GPHN: variants seen among roughly 807,000 people sequenced by gnomAD.
GPHN encodes gephyrin.
GPHN carries 17 observed loss-of-function variants against 95.5 expected under a neutral mutation model. That is an observed-to-expected ratio of 0.18 (90% CI 0.12 to 0.27). The LOEUF (loss-of-function observed/expected upper bound fraction) is 0.27. Among genes scored for constraint, GPHN ranks in the 10% least tolerant of loss-of-function variants. The probability of loss-of-function intolerance (pLI) is 1.00; values close to 1 mark genes in which losing one functional copy is unlikely to be tolerated. For synonymous variants in GPHN, 320 were observed against 322.5 expected (o/e 0.99, Z 0.08); for missense variants, 660 against 978.1 (o/e 0.67, Z 4.34).
At chr14:67,359,623 C>T in the GPHN span, 1 of 1,613,346 alleles carries the variant, frequency 6.2e-7, no homozygotes, top group Non-Finnish European at 8.5e-7. Context: ...GGTTCCTAAA[C>T]CTGTGAAAGC....
chr14:66,881,655 A>G (rs180750768), intron 5 of GPHN, among the ~76,000 whole-genome samples: 1 of 152,056 alleles, frequency 6.6e-6, no homozygotes, highest in African/African-American at 2.4e-5. Context: ...AATTGAATGT[A>G]GCTTTCTTGA....
At chr14:67,489,329 C>T in the GPHN span, among the ~76,000 whole-genome samples, 1 of 152,178 alleles carries the variant, frequency 6.6e-6, no homozygotes, top group South Asian at 2.1e-4. Flanking sequence ...GAACTGCTTC[C>T]CACCCAAATC....
chr14:67,413,770 G>A, the GPHN span, among the ~76,000 whole-genome samples: 1 of 152,188 alleles, frequency 6.6e-6, no homozygotes, highest in African/African-American at 2.4e-5. Flanking sequence ...CCCCAAAGCA[G>A]TGGGGCTTCC....
chr14:67,189,042 G>A, the GPHN span, among the ~76,000 whole-genome samples: 4 of 152,042 alleles, frequency 2.6e-5, no homozygotes, highest in African/African-American at 4.8e-5. Context: ...TTCTTTTAAC[G>A]CTTTTCTTCA....
chr14:67,297,820 A>G, the GPHN span, among the ~76,000 whole-genome samples: 2 of 152,242 alleles, frequency 1.3e-5, no homozygotes, highest in Non-Finnish European at 2.9e-5. Flanking sequence ...CATTCTGCCA[A>G]TAGTCAGATA....
At chr14:66,939,675 C>G (rs936860242) in intron 8 of GPHN, among the ~76,000 whole-genome samples, 2 of 152,172 alleles carry the variant, frequency 1.3e-5, no homozygotes, top group South Asian at 4.1e-4. Flanking sequence ...GATCCTCTGC[C>G]TTATCTGCCT....
chr14:67,413,535 G>C, the GPHN span, among the ~76,000 whole-genome samples: 1 of 152,162 alleles, frequency 6.6e-6, no homozygotes, highest in Non-Finnish European at 1.5e-5. Flanking sequence ...AAGGCGGGGG[G>C]TGCCTTTCAG....
the GPHN span, among the ~76,000 whole-genome samples, chr14:67,196,223 C>CTTTTTTTTTTTT: frequency 3.6e-4 from 52 of 143,114 alleles, no homozygotes; most frequent in Middle Eastern, 7.5e-3. Flanking sequence ...TTCTTTCTTT[C>CTTTTTTTTTTTT]TTTTTTTTTT....
chr14:67,248,423 G>C, the GPHN span, among the ~76,000 whole-genome samples: 1 of 151,952 alleles, frequency 6.6e-6, no homozygotes, highest in Non-Finnish European at 1.5e-5. Context: ...GTAGAGTCAA[G>C]GTATTCATTA....
the GPHN span, chr14:67,390,773 C>T: frequency 4.1e-6 from 6 of 1,472,306 alleles, no homozygotes; most frequent in Non-Finnish European, 5.7e-6. Context: ...GTTCAAAGCT[C>T]ATTGGTGACA....
At chr14:66,908,006 C>A (rs1184938376) in intron 5 of GPHN, among the ~76,000 whole-genome samples, 1 of 151,928 alleles carries the variant, frequency 6.6e-6, no homozygotes, top group Non-Finnish European at 1.5e-5. Flanking sequence ...TGGTTACATA[C>A]AGAAATATTT....
intron 1 of GPHN, among the ~76,000 whole-genome samples, chr14:66,555,620 C>CA (rs1017857159): frequency 4.0e-5 from 6 of 151,294 alleles, no homozygotes; most frequent in East Asian, 1.9e-4. Flanking sequence ...AGCGATAAGA[C>CA]AAAAAAAGAA....
the GPHN span, among the ~76,000 whole-genome samples, chr14:67,202,225 G>A: frequency 8.5e-5 from 13 of 152,320 alleles, no homozygotes; most frequent in South Asian, 2.1e-4. Flanking sequence ...TGGATCACCC[G>A]AGGTCAGGAG....
At chr14:67,654,714 T>C in the GPHN span, among the ~76,000 whole-genome samples, 1 of 152,108 alleles carries the variant, frequency 6.6e-6, no homozygotes, top group Non-Finnish European at 1.5e-5. Flanking sequence ...GAATACAGCA[T>C]TCCATTGGTA....
At chr14:67,244,062 G>A in the GPHN span, among the ~76,000 whole-genome samples, 1 of 152,156 alleles carries the variant, frequency 6.6e-6, no homozygotes, top group African/African-American at 2.4e-5. Flanking sequence ...CCAATAAGTT[G>A]CCTTTTCCAA....
chr14:67,321,219 T>C, the GPHN span: 3 of 1,614,206 alleles, frequency 1.9e-6, no homozygotes, highest in Middle Eastern at 1.6e-4. Context: ...CGGCAAGTGA[T>C]CAACTCTGGC....
At chr14:66,679,967 A>G (rs1023513109) in intron 1 of GPHN, among the ~76,000 whole-genome samples, 1 of 152,128 alleles carries the variant, frequency 6.6e-6, no homozygotes, top group Non-Finnish European at 1.5e-5. Flanking sequence ...TTCATCATAT[A>G]CCAAATATTG....
chr14:67,540,020 G>A, the GPHN span, among the ~76,000 whole-genome samples: 1 of 152,170 alleles, frequency 6.6e-6, no homozygotes, highest in Non-Finnish European at 1.5e-5. Flanking sequence ...TTGCACTGTG[G>A]TAGTATCTGG....
At chr14:67,614,754 T>A in the GPHN span, among the ~76,000 whole-genome samples, 1 of 152,124 alleles carries the variant, frequency 6.6e-6, no homozygotes, top group African/African-American at 2.4e-5. Context: ...TTTAATTACA[T>A]AAATTATATT....
Sources: gnomAD v4.1 joint callset for allele counts (sites outside exome capture counted in the v4.1 genomes callset) on GRCh38, gnomAD v4.1.1 for gene constraint, MANE v1.5 for transcripts, NCBI Gene and HGNC (gene_info 2026-07-23, HGNC 2026-07-21) for gene names.